Variants in PHACTR1 observed in about 807,000 individuals in gnomAD.
PHACTR1 encodes the protein phosphatase and actin regulator 1, also known as RPEL repeat containing 1.
PHACTR1 carries 16 observed loss-of-function variants against 69.2 expected under a neutral mutation model. The observed-to-expected ratio is 0.23, with a 90% CI of 0.16 to 0.35. The LOEUF is 0.35. Among genes scored for constraint, PHACTR1 ranks in the 10% least tolerant of loss-of-function variants. PHACTR1 has a pLI of 1.00. For missense variants in PHACTR1, 510 were observed against 734.7 expected, an observed-to-expected ratio of 0.69 and a Z score of 3.54; for synonymous variants, 312 against 284.5, an observed-to-expected ratio of 1.10 and a Z score of -0.97.
At chr6:13,213,695 G>A (rs1250898436) in intron 8 of PHACTR1, among the ~76,000 whole-genome samples, 2 of 152,218 alleles carry the variant, frequency 1.3e-5, no homozygotes, top group Admixed American at 6.5e-5. Flanking sequence ...ACTTCACACA[G>A]CAGCATAAAG....
At chr6:12,957,447 G>A (rs1792033640) in intron 4 of PHACTR1, 12 of 985,422 alleles carry the variant, frequency 1.2e-5, no homozygotes, top group Non-Finnish European at 1.4e-5. Flanking sequence ...ATTTTGAAAT[G>A]TTCCCTGTTT....
chr6:13,205,602 C>G (rs1395652833), intron 7 of PHACTR1, among the ~76,000 whole-genome samples: 1 of 152,158 alleles, frequency 6.6e-6, no homozygotes, highest in African/African-American at 2.4e-5. Context: ...TCCTGAAGGC[C>G]CTTATGGCCA....
Position 13,275,546 on chromosome 6 carries a change from G to A in PHACTR1, c.1447+2631G>A, listed in dbSNP as rs1018766619. The A allele has an allele frequency of 2.0e-5, 3 of 152,176 alleles. No individual in the cohort carries two copies. Among genetic ancestry groups the A allele is most frequent in the African/African-American group, 4.8e-5 (2 of 41,394 alleles). The allele number at this position is 152,176 out of a possible 1,614,324, so 9.4% of individuals were successfully genotyped here. ...ATGCCCGCCTTCACGGCTCTGAAGG[G>A]ACCTGTAGGATCAGAAGTCTGAGGC... On this transcript the variant is annotated intron_variant, in intron 11 of 14. Coordinates refer to ENST00000332995, the MANE Select transcript of PHACTR1 (RefSeq NM_030948.6). The surrounding 1 kb of genome is among the most constrained non-coding windows in gnomAD (Gnocchi z 4.0).
rs1047485305 is a variant in PHACTR1, at chr6:13,092,383, G to A, written c.415+38854G>A. ...TGTCATTTACTAAGTCCTGTGCTGG[G>A]TACTAAAAATATAGAGGTGAACCAG... On this transcript the variant is annotated intron_variant, in intron 5 of 14. Transcript: ENST00000332995. 7.9e-5 allele frequency among the ~76,000 whole-genome samples: 12 copies of A among 152,202 alleles called. No individual in the cohort carries two copies. The South Asian group carries it at 1.5e-3, about 18-fold the overall frequency.
chr6:13,237,104 C>T (rs1772110724), intron 10 of PHACTR1, among the ~76,000 whole-genome samples: 1 of 152,212 alleles, frequency 6.6e-6, no homozygotes, highest in Non-Finnish European at 1.5e-5. Context: ...AGGACTGGCA[C>T]AGTGGCTCAT....
At chr6:12,793,728 G>A (rs1200207156) in intron 4 of PHACTR1, among the ~76,000 whole-genome samples, 1 of 152,152 alleles carries the variant, frequency 6.6e-6, no homozygotes, top group Non-Finnish European at 1.5e-5. Context: ...GTTTTCCAAA[G>A]GCTATAGATA....
chr6:12,807,279 A>G (rs1334979556), intron 4 of PHACTR1, among the ~76,000 whole-genome samples: 1 of 152,234 alleles, frequency 6.6e-6, no homozygotes, highest in African/African-American at 2.4e-5. Flanking sequence ...TTATTTAATC[A>G]TATCTTTCTA....
chr6:12,864,666 T>C (rs9381455), intron 4 of PHACTR1, among the ~76,000 whole-genome samples: 106,224 of 149,018 alleles, frequency 0.71, 38,391 homozygotes, highest in East Asian at 0.99. Flanking sequence ...GGCAACAGAG[T>C]GAGACTCTGT....
At chr6:13,016,388 T>C (rs1800176621) in intron 4 of PHACTR1, among the ~76,000 whole-genome samples, 1 of 152,258 alleles carries the variant, frequency 6.6e-6, no homozygotes, top group South Asian at 2.1e-4. Flanking sequence ...CAGAAAATTC[T>C]GATACAACTT....
intron 4 of PHACTR1, among the ~76,000 whole-genome samples, chr6:12,960,025 G>A (rs957552039): frequency 2.6e-5 from 4 of 152,192 alleles, no homozygotes; most frequent in African/African-American, 9.6e-5. Context: ...AGTCTTTATG[G>A]AAATCAAGGT....
At chr6:12,823,498 T>C (rs987405565) in intron 4 of PHACTR1, among the ~76,000 whole-genome samples, 1 of 152,210 alleles carries the variant, frequency 6.6e-6, no homozygotes, top group Non-Finnish European at 1.5e-5. Context: ...GCTAACTGTA[T>C]TTTCTTGGTT....
chr6:13,218,191 T>C lies in PHACTR1; in HGVS notation c.987-9625T>C, dbSNP rs139230503. Among the ~76,000 whole-genome samples the C allele has an allele frequency of 6.8e-3, 1,037 of 152,294 alleles. 14 individuals carry two copies. Among genetic ancestry groups the C allele is most frequent in the East Asian group, 0.033 (173 of 5,186 alleles). On this transcript the variant is annotated intron_variant, in intron 8 of 14. Transcript: ENST00000332995. ...GGATCCCACCTATTTTAGAGAAAGA[T>C]TAAGGATTTAAAAGAGACAGTGATT...
intron 4 of PHACTR1, among the ~76,000 whole-genome samples, chr6:12,827,113 C>T (rs1776889673): frequency 6.6e-6 from 1 of 152,150 alleles, no homozygotes; most frequent in Non-Finnish European, 1.5e-5. Context: ...AAGAAAACAA[C>T]CCATCTTGAG....
chr6:12,920,632 G>T (rs1787534255), intron 4 of PHACTR1, among the ~76,000 whole-genome samples: 1 of 152,192 alleles, frequency 6.6e-6, no homozygotes, highest in Non-Finnish European at 1.5e-5. Flanking sequence ...TAAATTTGTA[G>T]CTACATTATA....
chr6:13,115,283 A>C (rs539071760), intron 5 of PHACTR1, among the ~76,000 whole-genome samples: 1 of 152,186 alleles, frequency 6.6e-6, no homozygotes, highest in Admixed American at 6.5e-5. Context: ...ATTTTACTGC[A>C]ATCCAACTCA....
chr6:13,229,833 A>G (rs1483409365), intron 9 of PHACTR1, among the ~76,000 whole-genome samples: 1 of 152,200 alleles, frequency 6.6e-6, no homozygotes, highest in Non-Finnish European at 1.5e-5. Flanking sequence ...CAGGTTCCCC[A>G]TGTGCTGTCC....
intron 4 of PHACTR1, among the ~76,000 whole-genome samples, chr6:13,019,065 TA>T (rs1800591220): frequency 1.8e-5 from 2 of 113,842 alleles, no homozygotes; most frequent in African/African-American, 5.6e-5. Flanking sequence ...TATATATATA[TA>T]TATATATATT....
intron 8 of PHACTR1, among the ~76,000 whole-genome samples, chr6:13,208,627 G>GCCCCCCCCCC (rs138524215): frequency 7.1e-6 from 1 of 141,344 alleles, no homozygotes; most frequent in Non-Finnish European, 1.5e-5. Flanking sequence ...CGTCATTGCT[G>GCCCCCCCCCC]CCCACCCCCC....
intron 4 of PHACTR1, among the ~76,000 whole-genome samples, chr6:13,032,000 G>A (rs1022840864): frequency 6.6e-6 from 1 of 152,140 alleles, no homozygotes; most frequent in African/African-American, 2.4e-5. Context: ...GTAGTTTTCT[G>A]TATCACTATT....
Sources: allele counts gnomAD v4.1 joint callset (sites outside exome capture counted in the v4.1 genomes callset), GRCh38; gene constraint gnomAD v4.1.1; non-coding constraint Gnocchi (gnomAD v3.1); transcripts MANE v1.5; gene names NCBI Gene and HGNC (gene_info 2026-07-23, HGNC 2026-07-21).